WDPCP: variants seen among roughly 807,000 people sequenced by gnomAD.
The protein encoded by WDPCP is WD repeat-containing and planar cell polarity effector protein fritz homolog.
In WDPCP, 71 loss-of-function variants were observed where a neutral mutation model predicts 93.1. That is an observed-to-expected ratio of 0.76 (90% CI 0.63 to 0.93). The LOEUF (loss-of-function observed/expected upper bound fraction) is 0.93. Ranked by LOEUF, WDPCP falls within the 40% of genes least tolerant of loss-of-function variation. WDPCP has a pLI of 0.00. For synonymous variants in WDPCP, 315 were observed against 315.0 expected, an observed-to-expected ratio of 1.00 and a Z score of 0.00; for missense variants, 844 against 887.4, an observed-to-expected ratio of 0.95 and a Z score of 0.62.
At chr2:63,493,065 A>G in intron 1 of WDPCP, 125 bp from the exon 2 acceptor site, 1 of 809,194 alleles carries the variant, frequency 1.2e-6, no homozygotes, top group East Asian at 2.7e-5. Flanking sequence ...ATGGCCCATT[A>G]GAATAAACAT....
At chr2:63,247,149 A>G (rs571516184) in intron 14 of WDPCP, among the ~76,000 whole-genome samples, 17 of 152,290 alleles carry the variant, frequency 1.1e-4, no homozygotes, top group Admixed American at 4.6e-4. Flanking sequence ...TAGATGACCC[A>G]CTTCCGGATT....
At chr2:63,751,852 T>C (rs1390514490) in intron 2 of WDPCP, 4 of 676,704 alleles carry the variant, frequency 5.9e-6, no homozygotes, top group Admixed American at 1.8e-5. Flanking sequence ...ATTGTTGTAA[T>C]TGCCAAAAGC....
the WDPCP span, among the ~76,000 whole-genome samples, chr2:63,834,950 A>G: frequency 6.6e-6 from 1 of 152,194 alleles, no homozygotes; most frequent in Non-Finnish European, 1.5e-5. Flanking sequence ...ATGTTTTATA[A>G]ATTAAAGCTT....
intron 1 of WDPCP, among the ~76,000 whole-genome samples, chr2:63,824,091 G>C (rs1305915949): frequency 6.6e-6 from 1 of 152,070 alleles, no homozygotes; most frequent in Non-Finnish European, 1.5e-5. Context: ...GAGGGAACTG[G>C]TGAGAGGTGA....
At chr2:63,704,037 T>C (rs1477220815) in intron 2 of WDPCP, among the ~76,000 whole-genome samples, 1 of 152,172 alleles carries the variant, frequency 6.6e-6, no homozygotes, top group Non-Finnish European at 1.5e-5. Flanking sequence ...GTTGGATTCC[T>C]AGGTATTTTA....
At chr2:63,728,840 G>T (rs770425344) in intron 2 of WDPCP, among the ~76,000 whole-genome samples, 1 of 152,128 alleles carries the variant, frequency 6.6e-6, no homozygotes, top group Non-Finnish European at 1.5e-5. Flanking sequence ...TCATGAACAT[G>T]AACTGAAAAT....
intron 3 of WDPCP, among the ~76,000 whole-genome samples, chr2:63,624,933 A>G (rs1395923969): frequency 2.0e-5 from 3 of 152,346 alleles, no homozygotes; most frequent in Non-Finnish European, 4.4e-5. Flanking sequence ...TCCTCAAAAC[A>G]ATACTGGCAA....
intron 15 of WDPCP, among the ~76,000 whole-genome samples, chr2:63,171,729 CTTAAATGTGAATG>C (rs1206167166): frequency 6.6e-6 from 1 of 152,150 alleles, no homozygotes; most frequent in African/African-American, 2.4e-5. Context: ...CACTTAGAAA[CTTAAATGTGAATG>C]TTTACAGCAA....
chr2:63,487,687 T>C (rs1322836424), intron 2 of WDPCP, among the ~76,000 whole-genome samples, 193 bp from the exon 3 acceptor site: 1 of 152,020 alleles, frequency 6.6e-6, no homozygotes, highest in Non-Finnish European at 1.5e-5. Context: ...ACTGGAAAGT[T>C]TATCAATCTA....
intron 2 of WDPCP, among the ~76,000 whole-genome samples, chr2:63,679,714 G>C (rs1710469071): frequency 6.6e-6 from 1 of 152,074 alleles, no homozygotes; most frequent in South Asian, 2.1e-4. Flanking sequence ...TCGGATTCTT[G>C]CTGATCCCAG....
intron 14 of WDPCP, among the ~76,000 whole-genome samples, chr2:63,210,631 G>T (rs1676704401): frequency 6.6e-6 from 1 of 152,168 alleles, no homozygotes; most frequent in South Asian, 2.1e-4. Flanking sequence ...TGCAGCCCAT[G>T]GACTGTGAGC....
At position 63,404,000 on chromosome 2, in the gene WDPCP, C is replaced by A. The variant is rs747682684; in HGVS notation, c.1435+48G>T. 5.0e-6 allele frequency: 8 copies of A among 1,610,854 alleles called. No homozygotes were observed. The East Asian group carries it at 1.8e-4, about 36-fold the overall frequency. On this transcript the variant is annotated intron_variant, in intron 10 of 17. Transcript: ENST00000272321. ...TAGTTTTATTGCCTTAATTATGTCACTATCCTAAACATTTTAATTTACTTA... is the reference window on the plus strand; with the variant it reads ...TAGTTTTATTGCCTTAATTATGTCAATATCCTAAACATTTTAATTTACTTA...
chr2:63,832,152 C>T (rs192741229), upstream of WDPCP, among the ~76,000 whole-genome samples: 577 of 152,310 alleles, frequency 3.8e-3, 11 homozygotes, highest in Non-Finnish European at 1.9e-3. Context: ...TTAATGAGAG[C>T]TGGATAGCCT....
chr2:63,186,879 G>A (rs186317400), intron 14 of WDPCP, among the ~76,000 whole-genome samples: 1 of 150,246 alleles, frequency 6.7e-6, no homozygotes, highest in East Asian at 1.9e-4. Context: ...CCGCCTTGGG[G>A]GAAAAAAAAG....
At chr2:63,532,452 C>G (rs935374524) in intron 1 of WDPCP, among the ~76,000 whole-genome samples, 1 of 152,132 alleles carries the variant, frequency 6.6e-6, no homozygotes, top group South Asian at 2.1e-4. Context: ...TTAAGGGCAG[C>G]CAGAAAGAAA....
At chr2:63,812,396 A>G (rs971057792) in intron 2 of WDPCP, among the ~76,000 whole-genome samples, 9 of 152,192 alleles carry the variant, frequency 5.9e-5, no homozygotes, top group African/African-American at 2.2e-4. Flanking sequence ...TCTTTTTGGT[A>G]GAATGATTTG....
At chr2:63,507,880 A>G (rs928543209) in intron 1 of WDPCP, among the ~76,000 whole-genome samples, 1 of 152,160 alleles carries the variant, frequency 6.6e-6, no homozygotes, top group African/African-American at 2.4e-5. Context: ...AGACAAGATT[A>G]GAGAAAAAAG....
At chr2:63,409,749 A>T (rs1304026563) in intron 9 of WDPCP, among the ~76,000 whole-genome samples, 1 of 152,196 alleles carries the variant, frequency 6.6e-6, no homozygotes, top group Non-Finnish European at 1.5e-5. Context: ...GAAATGCAAA[A>T]TGCTGTGGAA....
intron 10 of WDPCP, among the ~76,000 whole-genome samples, chr2:63,401,879 T>C (rs1303575651): frequency 6.6e-6 from 1 of 152,154 alleles, no homozygotes; most frequent in African/African-American, 2.4e-5. Context: ...CTGCTGGGCA[T>C]GTAAATTAGT....
Sources: allele counts gnomAD v4.1 joint callset (sites outside exome capture counted in the v4.1 genomes callset), GRCh38; gene constraint gnomAD v4.1.1; transcripts MANE v1.5; gene names NCBI Gene and HGNC (gene_info 2026-07-23, HGNC 2026-07-21).